The following KCNG3 variants were observed in gnomAD, a reference collection of about 807,000 sequenced individuals.
KCNG3 encodes the protein voltage-gated potassium channel regulatory subunit KCNG3.
KCNG3 carries 15 observed loss-of-function variants against 29.0 expected under a neutral mutation model. The observed-to-expected ratio is 0.52, with a 90% CI of 0.35 to 0.80. The LOEUF is 0.80. KCNG3 is among the 30% of genes least tolerant of loss of function. KCNG3 has a pLI of 0.01. For synonymous variants in KCNG3, 322 were observed against 248.9 expected, an observed-to-expected ratio of 1.29 and a Z score of -2.76; for missense variants, 512 against 605.7, an observed-to-expected ratio of 0.85 and a Z score of 1.62.
chr2:42,473,184 C>T (rs940920571), intron 1 of KCNG3, among the ~76,000 whole-genome samples: 2 of 151,990 alleles, frequency 1.3e-5, no homozygotes, highest in African/African-American at 4.8e-5. Flanking sequence ...GTGTGAGCCA[C>T]CGCGTCCGGC....
chr2:42,485,115 A>G (rs558730148), intron 1 of KCNG3, among the ~76,000 whole-genome samples: 1 of 152,214 alleles, frequency 6.6e-6, no homozygotes, highest in South Asian at 2.1e-4. Context: ...CATTTTGATC[A>G]TTTAATTTTT....
intron 1 of KCNG3, among the ~76,000 whole-genome samples, chr2:42,457,270 A>C (rs1289634045): frequency 6.6e-6 from 1 of 151,268 alleles, no homozygotes; most frequent in Non-Finnish European, 1.5e-5. Flanking sequence ...AGACTGCTTG[A>C]GCCCAGGAGT....
chr2:42,401,580 C>T, the KCNG3 span, among the ~76,000 whole-genome samples: 1 of 151,916 alleles, frequency 6.6e-6, no homozygotes, highest in South Asian at 2.1e-4. Flanking sequence ...TAGCTGGGGC[C>T]ACAAGTGCAC....
At chr2:42,399,942 A>G in the KCNG3 span, among the ~76,000 whole-genome samples, 1 of 152,222 alleles carries the variant, frequency 6.6e-6, no homozygotes, top group African/African-American at 2.4e-5. Context: ...AGGATGCATC[A>G]GTGTTTCTAT....
chr2:42,395,281 T>A, the KCNG3 span, among the ~76,000 whole-genome samples: 1 of 151,814 alleles, frequency 6.6e-6, no homozygotes, highest in Non-Finnish European at 1.5e-5. Context: ...GAAAGTTGAG[T>A]GATAAGCCAG....
chr2:42,483,183 G>A (rs1196500916), intron 1 of KCNG3, among the ~76,000 whole-genome samples: 1 of 151,856 alleles, frequency 6.6e-6, no homozygotes, highest in Non-Finnish European at 1.5e-5. Flanking sequence ...CCAGATGTTT[G>A]CTATTAAATG....
intron 1 of KCNG3, among the ~76,000 whole-genome samples, chr2:42,466,847 G>C (rs1200719693): frequency 6.6e-6 from 1 of 151,158 alleles, no homozygotes; most frequent in Non-Finnish European, 1.5e-5. Flanking sequence ...CTGCCACCCG[G>C]GTTCAAGCGA....
chr2:42,393,918 T>C, the KCNG3 span, among the ~76,000 whole-genome samples: 4 of 152,020 alleles, frequency 2.6e-5, no homozygotes, highest in African/African-American at 7.2e-5. Flanking sequence ...GTAGCTGAGA[T>C]TACAGGTGCC....
rs191692115 is a variant in KCNG3, at chr2:42,484,892, G to A, written c.665+7945C>T. On this transcript the variant is annotated intron_variant, in intron 1 of 1. Transcript: ENST00000306078. ...GAACAGAATTTAACTGAGGTTCTGG[G>A]TTATGTACAATCCTATCAGAGATCT... Among the ~76,000 whole-genome samples the A allele has an allele frequency of 2.0e-5, 3 of 152,260 alleles. No individual in the cohort carries two copies. In the South Asian group the frequency reaches 6.2e-4, roughly 32 times the overall value.
At chr2:42,441,272 T>G (rs772998971), downstream of KCNG3, among the ~76,000 whole-genome samples, 10 of 151,270 alleles carry the variant, frequency 6.6e-5, no homozygotes, top group Non-Finnish European at 1.3e-4. Flanking sequence ...CCTATAGTCC[T>G]AGCAACTTGG....
At chr2:42,415,720 ACT>A in the KCNG3 span, among the ~76,000 whole-genome samples, 1 of 151,854 alleles carries the variant, frequency 6.6e-6, no homozygotes, top group African/African-American at 2.4e-5. Context: ...GACAGAGTAG[ACT>A]CTGTCTCAAA....
At chr2:42,441,960 T>C (rs1174010055), downstream of KCNG3, 1 of 151,950 alleles carries the variant, frequency 6.6e-6, no homozygotes, top group Non-Finnish European at 1.5e-5. Flanking sequence ...AAGACAGTTA[T>C]AATTTACTTG....
At chr2:42,419,481 A>G in the KCNG3 span, among the ~76,000 whole-genome samples, 1 of 151,634 alleles carries the variant, frequency 6.6e-6, no homozygotes, top group African/African-American at 2.4e-5. Flanking sequence ...ACCCCAGGTG[A>G]TCTCCCCGCC....
chr2:42,390,589 C>T, the KCNG3 span, among the ~76,000 whole-genome samples: 25 of 152,258 alleles, frequency 1.6e-4, no homozygotes, highest in Non-Finnish European at 3.4e-4. Flanking sequence ...AATTTTAAAA[C>T]CCAGGGAAAC....
chr2:42,442,826 G>C lies in KCNG3; in HGVS notation c.*1108C>G, dbSNP rs1672514887. 6.6e-6 allele frequency: 1 copy of C among 152,094 alleles called. No individual in the cohort carries two copies. Among genetic ancestry groups the C allele is most frequent in the Non-Finnish European group, 1.5e-5 (1 of 67,998 alleles). The allele number at this position is 152,094 out of a possible 1,614,324, so 9.4% of individuals were successfully genotyped here. On this transcript the variant is annotated 3_prime_UTR_variant, in exon 2 of 2. Coordinates refer to ENST00000306078, the MANE Select transcript of KCNG3 (RefSeq NM_133329.6). ...CAGTATTCTTACAAGAAGAGTTTTG[G>C]TGTAGCTGTGATTCACAATAGTTAA...
chr2:42,408,178 T>C, the KCNG3 span, among the ~76,000 whole-genome samples: 1 of 152,104 alleles, frequency 6.6e-6, no homozygotes, highest in African/African-American at 2.4e-5. Context: ...CAGAAGCCCC[T>C]TGGCAGGAAC....
At chr2:42,418,130 C>G in the KCNG3 span, among the ~76,000 whole-genome samples, 1 of 151,960 alleles carries the variant, frequency 6.6e-6, no homozygotes, top group African/African-American at 2.4e-5. Context: ...ATTTCCATAA[C>G]TCTTTAATTA....
At chr2:42,409,105 C>A in the KCNG3 span, among the ~76,000 whole-genome samples, 2 of 152,248 alleles carry the variant, frequency 1.3e-5, no homozygotes, top group Admixed American at 6.5e-5. Flanking sequence ...ACTCACACAC[C>A]CCTTGCCATT....
chr2:42,414,018 A>C, the KCNG3 span, among the ~76,000 whole-genome samples: 2 of 152,248 alleles, frequency 1.3e-5, no homozygotes, highest in Non-Finnish European at 2.9e-5. Flanking sequence ...AACATTCTTT[A>C]GCTTTCTTCT....
Sources: allele counts gnomAD v4.1 joint callset (sites outside exome capture counted in the v4.1 genomes callset), GRCh38; gene constraint gnomAD v4.1.1; transcripts MANE v1.5; gene names NCBI Gene and HGNC (gene_info 2026-07-23, HGNC 2026-07-21).